The following STAC variants were observed in gnomAD, a reference collection of about 807,000 sequenced individuals.
The protein encoded by STAC is SH3 and cysteine-rich domain-containing protein.
STAC carries 43 observed loss-of-function variants against 48.8 expected under a neutral mutation model. The ratio of observed to expected loss-of-function variants is 0.88; its 90% confidence interval spans 0.69 to 1.14. The LOEUF (loss-of-function observed/expected upper bound fraction) is 1.14, where lower values mean the gene tolerates loss of function less well. Ranked by LOEUF, STAC falls within the 50% of genes most tolerant of loss-of-function variation. The probability of loss-of-function intolerance (pLI) is 0.00; values close to 1 mark genes in which losing one functional copy is unlikely to be tolerated. For missense variants in STAC, 497 were observed against 504.0 expected (o/e 0.99, Z 0.13); for synonymous variants, 193 against 179.5 (o/e 1.07, Z -0.60).
chr3:36,470,303 C>T (rs1575221731), intron 2 of STAC, among the ~76,000 whole-genome samples: 1 of 152,244 alleles, frequency 6.6e-6, no homozygotes, highest in Non-Finnish European at 1.5e-5. Context: ...AATGGGGCTT[C>T]CTGAAAGCCA....
intron 1 of STAC, among the ~76,000 whole-genome samples, chr3:36,397,363 CCTT>C (rs1394503362): frequency 6.6e-6 from 1 of 152,084 alleles, no homozygotes; most frequent in Non-Finnish European, 1.5e-5. Flanking sequence ...ATGGATCTGA[CCTT>C]CTAATTAACA....
chr3:36,443,870 T>A lies in STAC; in HGVS notation c.388+230T>A, dbSNP rs55874122. On this transcript the variant is annotated intron_variant, in intron 2 of 10. Transcript: ENST00000273183. The surrounding 1 kb of genome is among the most constrained non-coding windows in gnomAD (Gnocchi z 4.2). ...ATATAGTTGTAATCAGGACTTCAGC[T>A]GATCCCCTGTAGATCCCTAAAGCCC... Among the ~76,000 whole-genome samples the A allele has an allele frequency of 0.013, 2,005 of 152,340 alleles. 20 individuals carry two copies. Among genetic ancestry groups the A allele is most frequent in the Non-Finnish European group, 0.016 (1,078 of 68,032 alleles).
intron 2 of STAC, among the ~76,000 whole-genome samples, chr3:36,469,283 G>A (rs2125690099): frequency 6.6e-6 from 1 of 152,214 alleles, no homozygotes; most frequent in African/African-American, 2.4e-5. Flanking sequence ...TGCTGGCTTG[G>A]TAGTGGCTAA....
chr3:36,510,192 C>T (rs1296865680), intron 8 of STAC, among the ~76,000 whole-genome samples: 6 of 151,990 alleles, frequency 3.9e-5, no homozygotes, highest in Non-Finnish European at 7.4e-5. Context: ...AGCCAACAAA[C>T]ATGTGAAAAA....
chr3:36,386,239 G>A (rs551330255), intron 1 of STAC, among the ~76,000 whole-genome samples: 1 of 151,998 alleles, frequency 6.6e-6, no homozygotes, highest in South Asian at 2.1e-4. Flanking sequence ...AAGCTTAGCA[G>A]TTTTTACATG....
intron 6 of STAC, among the ~76,000 whole-genome samples, chr3:36,497,286 G>A (rs1427913327): frequency 1.3e-5 from 2 of 152,136 alleles, no homozygotes; most frequent in African/African-American, 4.8e-5. Flanking sequence ...TCCCTTTCCA[G>A]CATTGTGGAG....
intron 1 of STAC, among the ~76,000 whole-genome samples, chr3:36,439,031 A>ATTGTCATC (rs1346527401): frequency 6.6e-6 from 1 of 152,208 alleles, no homozygotes; most frequent in African/African-American, 2.4e-5. Context: ...GGCCAGAAGT[A>ATTGTCATC]TTGTCATCTC....
chr3:36,503,425 T>TTTTTTG (rs1442402994), intron 6 of STAC, among the ~76,000 whole-genome samples: 3 of 152,026 alleles, frequency 2.0e-5, no homozygotes, highest in Admixed American at 2.0e-4. Context: ...TGTTTTTTGT[T>TTTTTTG]TTTTTGTTTT....
intron 8 of STAC, among the ~76,000 whole-genome samples, chr3:36,509,306 C>T (rs993208260): frequency 1.3e-5 from 2 of 152,112 alleles, no homozygotes; most frequent in African/African-American, 4.8e-5. Context: ...TGTGGGTAAT[C>T]CAACCTTTCT....
intron 6 of STAC, among the ~76,000 whole-genome samples, chr3:36,495,210 A>T (rs1411293110): frequency 1.3e-5 from 2 of 152,226 alleles, no homozygotes; most frequent in Non-Finnish European, 2.9e-5. Context: ...GGTTCTTATG[A>T]TCTTTGGATG....
At chr3:36,441,581 A>G (rs1195296881) in intron 1 of STAC, among the ~76,000 whole-genome samples, 2 of 152,210 alleles carry the variant, frequency 1.3e-5, no homozygotes, top group South Asian at 2.1e-4. Flanking sequence ...TCCTCAGTAT[A>G]ATGATTCCCT....
intron 10 of STAC, among the ~76,000 whole-genome samples, chr3:36,544,395 C>T (rs1699396963): frequency 6.6e-6 from 1 of 152,144 alleles, no homozygotes; most frequent in Non-Finnish European, 1.5e-5. Context: ...GTCATGAACT[C>T]CTGACCCCAA....
chr3:36,535,953 G>C (rs1699188376), intron 10 of STAC, among the ~76,000 whole-genome samples: 1 of 152,136 alleles, frequency 6.6e-6, no homozygotes, highest in Non-Finnish European at 1.5e-5. Context: ...TCTCTGCCAG[G>C]TTTTAGTACC....
chr3:36,505,450 C>A (rs1698379239), intron 7 of STAC, among the ~76,000 whole-genome samples: 3 of 152,062 alleles, frequency 2.0e-5, no homozygotes, highest in African/African-American at 4.8e-5. Flanking sequence ...TAACTTGTAC[C>A]ATTTTTCATG....
chr3:36,494,166 A>G (rs1443535666), intron 6 of STAC, among the ~76,000 whole-genome samples: 1 of 150,754 alleles, frequency 6.6e-6, no homozygotes, highest in African/African-American at 2.4e-5. Flanking sequence ...AAAAAAAAAA[A>G]AAAAAAAAGA....
chr3:36,392,309 C>T (rs1699767000), intron 1 of STAC, among the ~76,000 whole-genome samples: 1 of 151,946 alleles, frequency 6.6e-6, no homozygotes, highest in South Asian at 2.1e-4. Flanking sequence ...TCTGATGAGT[C>T]CTTCACTTCT....
chr3:36,389,075 A>G (rs1261057498), intron 1 of STAC, among the ~76,000 whole-genome samples: 1 of 152,206 alleles, frequency 6.6e-6, no homozygotes, highest in Non-Finnish European at 1.5e-5. Flanking sequence ...TTATCCAAAA[A>G]CATAGTATAT....
intron 1 of STAC, among the ~76,000 whole-genome samples, chr3:36,398,359 GAAAGAA>G (rs1699906647): frequency 7.6e-6 from 1 of 131,668 alleles, no homozygotes; most frequent in Non-Finnish European, 1.6e-5. Flanking sequence ...AAGAAAGAAA[GAAAGAA>G]AGAAAAGAAA....
intron 8 of STAC, among the ~76,000 whole-genome samples, chr3:36,524,453 A>G (rs1698880762): frequency 6.6e-6 from 1 of 152,012 alleles, no homozygotes; most frequent in Non-Finnish European, 1.5e-5. Flanking sequence ...TCAGCCAGGC[A>G]TGGTAGCGGG....
Sources: allele counts gnomAD v4.1 joint callset (sites outside exome capture counted in the v4.1 genomes callset), GRCh38; gene constraint gnomAD v4.1.1; non-coding constraint Gnocchi (gnomAD v3.1); transcripts MANE v1.5; gene names NCBI Gene and HGNC (gene_info 2026-07-23, HGNC 2026-07-21).